SPIDR: variants seen among roughly 807,000 people sequenced by gnomAD.
The protein encoded by SPIDR is DNA repair-scaffolding protein.
SPIDR carries 93 observed loss-of-function variants against 104.6 expected under a neutral mutation model. The ratio of observed to expected loss-of-function variants is 0.89; its 90% confidence interval spans 0.75 to 1.06. SPIDR has a LOEUF of 1.06. SPIDR is among the 50% of genes least tolerant of loss of function. The probability of loss-of-function intolerance (pLI) is 0.00; values close to 1 mark genes in which losing one functional copy is unlikely to be tolerated. For synonymous variants in SPIDR, 431 were observed against 416.9 expected (o/e 1.03, Z -0.41); for missense variants, 1,154 against 1,111.2 (o/e 1.04, Z -0.55).
chr8:47,718,861 C>T (rs548690841), intron 16 of SPIDR, among the ~76,000 whole-genome samples: 185 of 152,108 alleles, frequency 1.2e-3, no homozygotes, highest in African/African-American at 3.6e-3. Flanking sequence ...GTTTGCTGCA[C>T]AGATCAACCC....
At chr8:47,698,862 C>T (rs1338430931) in intron 11 of SPIDR, among the ~76,000 whole-genome samples, 3 of 152,214 alleles carry the variant, frequency 2.0e-5, no homozygotes, top group African/African-American at 7.2e-5. Context: ...ATGTGAGGGT[C>T]CTGCCAGCCG....
chr8:47,366,840 G>A (rs2057295476), intron 5 of SPIDR, among the ~76,000 whole-genome samples: 1 of 152,192 alleles, frequency 6.6e-6, no homozygotes, highest in African/African-American at 2.4e-5. Flanking sequence ...CTGCTCTCAG[G>A]ATTGAAAACT....
intron 14 of SPIDR, among the ~76,000 whole-genome samples, chr8:47,703,904 C>T (rs1158572877): frequency 1.3e-5 from 2 of 152,178 alleles, no homozygotes; most frequent in Admixed American, 1.3e-4. Context: ...GGGCCATCTA[C>T]TGACGGCCAC....
intron 10 of SPIDR, among the ~76,000 whole-genome samples, chr8:47,611,333 A>G (rs1357176071): frequency 6.6e-6 from 1 of 152,200 alleles, no homozygotes; most frequent in Non-Finnish European, 1.5e-5. Flanking sequence ...CAAACAGGGA[A>G]CAGCACAAGG....
chr8:47,312,756 T>C (rs2044458737), intron 5 of SPIDR, among the ~76,000 whole-genome samples: 2 of 152,240 alleles, frequency 1.3e-5, no homozygotes, highest in African/African-American at 4.8e-5. Flanking sequence ...TTGGCTTTTG[T>C]TGCCATTGCT....
intron 2 of SPIDR, among the ~76,000 whole-genome samples, chr8:47,281,137 A>G (rs1453356655): frequency 2.0e-5 from 3 of 152,232 alleles, no homozygotes; most frequent in Non-Finnish European, 4.4e-5. Flanking sequence ...TGTCTAAAAA[A>G]GCAATGTATA....
intron 6 of SPIDR, among the ~76,000 whole-genome samples, chr8:47,403,418 C>T (rs2062210466): frequency 6.6e-6 from 1 of 152,076 alleles, no homozygotes; most frequent in South Asian, 2.1e-4. Context: ...TCAAATTGTC[C>T]CTGTTTGCAG....
chr8:47,735,394 A>T lies in SPIDR; in HGVS notation c.2692A>T (p.Ile898Phe), dbSNP rs1443070177. Residue 898 changes from isoleucine to phenylalanine, a missense_variant, in exon 20 of 20, where the codon ATT becomes TTT. Transcript: ENST00000297423. ...CGTAACCGCCCACCCGACCAGCTGCATTGGATTGGAGGAAATCGAGCTTCT... is the reference window on the plus strand; with the variant it reads ...CGTAACCGCCCACCCGACCAGCTGCTTTGGATTGGAGGAAATCGAGCTTCT... ...QSVTAHPTSC[I>F]GLEEIELLSA... The T allele has an allele frequency of 1.2e-6, 2 of 1,614,052 alleles. No individual in the cohort carries two copies. Among genetic ancestry groups the T allele is most frequent in the Non-Finnish European group, 1.7e-6 (2 of 1,180,028 alleles).
intron 5 of SPIDR, among the ~76,000 whole-genome samples, chr8:47,297,464 T>A (rs1030315010): frequency 1.3e-4 from 20 of 152,156 alleles, no homozygotes; most frequent in Non-Finnish European, 2.2e-4. Context: ...TCTATTTTTT[T>A]TTATTATTAT....
chr8:47,713,468 C>A (rs202140277), intron 15 of SPIDR, 21 bp from the exon 16 acceptor site: 4 of 1,613,930 alleles, frequency 2.5e-6, no homozygotes, highest in Non-Finnish European at 3.4e-6. Flanking sequence ...CTTCAATAAC[C>A]TGAAGTGTCT....
intron 1 of SPIDR, among the ~76,000 whole-genome samples, chr8:47,266,178 G>A (rs1193832090): frequency 6.9e-6 from 1 of 143,902 alleles, no homozygotes; most frequent in African/African-American, 2.6e-5. Context: ...TGCCCAGGCT[G>A]GAGTGCAATA....
chr8:47,472,214 G>A (rs1407281948), intron 8 of SPIDR, among the ~76,000 whole-genome samples: 1 of 152,228 alleles, frequency 6.6e-6, no homozygotes, highest in Non-Finnish European at 1.5e-5. Flanking sequence ...TGTTGCAGAC[G>A]TCCCTGTGCT....
chr8:47,348,508 G>C (rs1267390286), intron 5 of SPIDR, among the ~76,000 whole-genome samples: 2 of 152,148 alleles, frequency 1.3e-5, no homozygotes, highest in Non-Finnish European at 2.9e-5. Context: ...TTGCGAAGTT[G>C]GGGAAGTTTT....
intron 8 of SPIDR, among the ~76,000 whole-genome samples, chr8:47,476,674 G>C (rs557642901): frequency 2.6e-5 from 4 of 151,800 alleles, no homozygotes; most frequent in African/African-American, 7.3e-5. Flanking sequence ...TAAGTCACCA[G>C]TTCTCATTTA....
intron 11 of SPIDR, among the ~76,000 whole-genome samples, chr8:47,689,290 A>G (rs4873565): frequency 5.3e-5 from 8 of 152,100 alleles, no homozygotes; most frequent in Middle Eastern, 3.4e-3. Flanking sequence ...TGGTTGGCTT[A>G]CCTTTAACCA....
At chr8:47,718,677 A>G (rs2082931978) in intron 16 of SPIDR, among the ~76,000 whole-genome samples, 1 of 152,198 alleles carries the variant, frequency 6.6e-6, no homozygotes, top group African/African-American at 2.4e-5. Context: ...CCACAGTGAG[A>G]CATTCAGACA....
intron 10 of SPIDR, among the ~76,000 whole-genome samples, chr8:47,635,389 A>G (rs2067740852): frequency 6.6e-6 from 1 of 152,162 alleles, no homozygotes; most frequent in African/African-American, 2.4e-5. Context: ...TATTTGTAAA[A>G]CAATGAAAGG....
chr8:47,612,423 G>C (rs2154431492), intron 10 of SPIDR, among the ~76,000 whole-genome samples: 1 of 152,286 alleles, frequency 6.6e-6, no homozygotes, highest in East Asian at 1.9e-4. Context: ...ATTCTGGCTT[G>C]TACTCAGCTC....
intron 8 of SPIDR, among the ~76,000 whole-genome samples, chr8:47,530,869 A>AT (rs1009738269): frequency 3.3e-5 from 5 of 151,860 alleles, no homozygotes; most frequent in African/African-American, 1.2e-4. Flanking sequence ...TTTCAAAAAT[A>AT]TTTTTTATAT....
Sources: gnomAD v4.1 joint callset for allele counts (sites outside exome capture counted in the v4.1 genomes callset) on GRCh38, gnomAD v4.1.1 for gene constraint, MANE v1.5 for transcripts, NCBI Gene and HGNC (gene_info 2026-07-23, HGNC 2026-07-21) for gene names.